The following RFXANK variants were observed in gnomAD, a reference collection of about 807,000 sequenced individuals.
RFXANK encodes the protein DNA-binding protein RFXANK.
In RFXANK, 19 loss-of-function variants were observed where a neutral mutation model predicts 34.5. That is an observed-to-expected ratio of 0.55 (90% confidence interval 0.38 to 0.81). RFXANK has a LOEUF of 0.81. RFXANK is among the 30% of genes least tolerant of loss of function. RFXANK has a pLI of 0.00. For missense variants in RFXANK, 295 were observed against 343.5 expected (o/e 0.86, Z 1.12); for synonymous variants, 154 against 149.8 (o/e 1.03, Z -0.20).
chr19:19,196,976 G>A lies in RFXANK; in HGVS notation c.201G>A (p.Leu67=). ...TCTGTTTCCCAGCAGGCAGCTCCCT[G>A]AAGCACTCCACCACTCTCACCAACC... ...SVSSPQAGSS[L]KHSTTLTNRQ... is the part of the protein sequence containing the mutation. The change falls in exon 4 of 10, where the codon CTG becomes CTA. Residue 67 remains leucine (L), a synonymous_variant. Transcript: ENST00000303088. 6.2e-7 allele frequency: 1 copy of A among 1,612,488 alleles called. No individual in the cohort carries two copies. Among genetic ancestry groups the A allele is most frequent in the Non-Finnish European group, 8.5e-7 (1 of 1,179,950 alleles).
At chr19:19,198,923 G>A (rs573736350) in intron 8 of RFXANK, 200 bp downstream of exon 8, 8 of 754,154 alleles carry the variant, frequency 1.1e-5, no homozygotes, top group Non-Finnish European at 1.9e-5. Context: ...TTAGGATCTG[G>A]CCAAGAGGCT....
chr19:19,197,722 C>T (rs1054065575), intron 6 of RFXANK, 101 bp downstream of exon 6: 2 of 1,101,378 alleles, frequency 1.8e-6, no homozygotes, highest in Non-Finnish European at 2.7e-6. Context: ...TGAGATGCGG[C>T]TGCTGGCTGG....
At chr19:19,195,442 T>C (rs1568577168) in intron 3 of RFXANK, among the ~76,000 whole-genome samples, 2 of 152,000 alleles carry the variant, frequency 1.3e-5, no homozygotes, top group Non-Finnish European at 2.9e-5. Context: ...GCCTCCCAAG[T>C]AGCTGGCATG....
intron 3 of RFXANK, among the ~76,000 whole-genome samples, chr19:19,196,327 C>A (rs10409380): frequency 0.18 from 26,403 of 149,480 alleles, 2,756 homozygotes; most frequent in East Asian, 0.4. Context: ...TGGGAGGCCA[C>A]GGCAGGAGAA....
chr19:19,197,138 C>T (rs1171299775), intron 4 of RFXANK, 48 bp from the exon 5 acceptor site: 1 of 1,612,680 alleles, frequency 6.2e-7, no homozygotes, highest in Non-Finnish European at 8.5e-7. Flanking sequence ...AACTGAGGCA[C>T]AGAGAAGCAA....
At chr19:19,198,583 G>A (rs2060641682) in intron 7 of RFXANK, 74 bp from the exon 8 acceptor site, 5 of 1,547,740 alleles carry the variant, frequency 3.2e-6, no homozygotes, top group African/African-American at 2.7e-5. Flanking sequence ...TCAACTGGAG[G>A]CCAGAGAGTA....
intron 5 of RFXANK, 87 bp downstream of exon 5, chr19:19,197,338 T>C: frequency 2.1e-6 from 3 of 1,402,734 alleles, no homozygotes; most frequent in Non-Finnish European, 2.0e-6. Flanking sequence ...ACGTGACCTG[T>C]GAGTGTCCAC....
chr19:19,196,817 ATCACGCCACTGTACTC>A, intron 3 of RFXANK, 130 bp from the exon 4 acceptor site: 1 of 782,282 alleles, frequency 1.3e-6, no homozygotes, highest in South Asian at 1.4e-5. Flanking sequence ...GTGAGCCGAG[ATCACGCCACTGTACTC>A]CAGCCTGGGG....
chr19:19,201,790 G>A lies in RFXANK; in HGVS notation c.*71G>A, dbSNP rs888025153. The A allele has an allele frequency of 2.5e-6, 4 of 1,613,162 alleles. No individual in the cohort carries two copies. Among genetic ancestry groups the A allele is most frequent in the Non-Finnish European group, 3.4e-6 (4 of 1,179,746 alleles). Reference sequence around the variant, plus strand: ...GCCAGAGCTGGGGAAACCCAGAACTGACTTCAAAGGCAGCTTCTGGACAGG... The same window carrying A: ...GCCAGAGCTGGGGAAACCCAGAACTAACTTCAAAGGCAGCTTCTGGACAGG... On this transcript the variant is annotated 3_prime_UTR_variant, in exon 10 of 10. Coordinates refer to ENST00000303088, the MANE Select transcript of RFXANK (RefSeq NM_003721.4).
intron 3 of RFXANK, among the ~76,000 whole-genome samples, chr19:19,196,721 C>T (rs189350863): frequency 1.1e-4 from 17 of 152,042 alleles, no homozygotes; most frequent in African/African-American, 3.9e-4. Flanking sequence ...AAAAATTAGC[C>T]AGGTGTGGTG....
intron 6 of RFXANK, 29 bp downstream of exon 6, chr19:19,197,650 G>A (rs773849601): frequency 1.9e-6 from 3 of 1,597,590 alleles, no homozygotes; most frequent in African/African-American, 1.3e-5. Flanking sequence ...GGGCAGCTGG[G>A]GGGTTCCCGG....
In RFXANK at chr19:19,199,062, G is replaced by T. The variant is rs565937560; in HGVS notation, c.632-92G>T. The T allele has an allele frequency of 6.4e-6, 8 of 1,249,208 alleles. No homozygotes were observed. In the Admixed American group the frequency reaches 1.4e-4, roughly 22 times the overall value. 77.4% of individuals were successfully genotyped at this position (1,249,208 alleles called of 1,614,324 possible). A position where few individuals can be genotyped will look rare whatever the true frequency, so the allele number is the denominator to read the frequency against. Reference sequence around the variant, plus strand: ...GGCAGACCCACGGCTGCATTGTGGGGAATGAGGGGTGCCATGGGATCTCCC... The same window carrying T: ...GGCAGACCCACGGCTGCATTGTGGGTAATGAGGGGTGCCATGGGATCTCCC... On this transcript the variant is annotated intron_variant, in intron 8 of 9. Coordinates refer to ENST00000303088, the MANE Select transcript of RFXANK (RefSeq NM_003721.4).
intron 8 of RFXANK, 22 bp from the exon 9 acceptor site, chr19:19,199,132 C>T (rs371484495): frequency 1.6e-5 from 26 of 1,610,988 alleles, no homozygotes; most frequent in African/African-American, 1.3e-4. Flanking sequence ...CACCCTCCAG[C>T]GCCCTCCCCT....
intron 2 of RFXANK, 123 bp from the exon 3 acceptor site, chr19:19,193,816 G>C (rs1443763417): frequency 1.3e-5 from 14 of 1,083,162 alleles, no homozygotes; most frequent in Non-Finnish European, 2.0e-5. Flanking sequence ...CCTGGCTCTG[G>C]TAATTAACCT....
chr19:19,197,947 G>A (rs149740483), intron 6 of RFXANK, among the ~76,000 whole-genome samples, 160 bp from the exon 7 acceptor site: 4,681 of 151,914 alleles, frequency 0.031, 104 homozygotes, highest in Non-Finnish European at 0.045. Context: ...GGGAGGCGGA[G>A]GTAGCAGTGA....
Position 19,197,272 on chromosome 19 carries a change from G to A in RFXANK, c.337+21G>A, listed in dbSNP as rs780351596. The A allele has an allele frequency of 9.3e-6, 15 of 1,611,366 alleles. No individual in the cohort carries two copies. In the Admixed American group the frequency reaches 1.0e-4, roughly 11 times the overall value. On this transcript the variant is annotated intron_variant, in intron 5 of 9. Transcript: ENST00000303088. ...GAAAGGTGCGTGTCCACACACATGT[G>A]CTGGCATGTCTGCACCTGGCTGGTG...
chr19:19,198,838 T>G, intron 8 of RFXANK, 115 bp downstream of exon 8: 8 of 1,042,208 alleles, frequency 7.7e-6, no homozygotes, highest in Non-Finnish European at 1.0e-5. Context: ...GAGCAGGTAG[T>G]CCCTGCCTGC....
intron 2 of RFXANK, 90 bp from the exon 3 acceptor site, chr19:19,193,847 TCA>T: frequency 4.2e-6 from 6 of 1,429,734 alleles, no homozygotes; most frequent in Non-Finnish European, 5.9e-6. Context: ...TTACCCACCC[TCA>T]CAGTGCAAGG....
chr19:19,200,366 C>T (rs987695752), intron 9 of RFXANK, among the ~76,000 whole-genome samples: 5 of 151,612 alleles, frequency 3.3e-5, no homozygotes, highest in Non-Finnish European at 2.9e-5. Flanking sequence ...TTAGTAGAGA[C>T]GGGGTTTCAC....
Sources: allele counts gnomAD v4.1 joint callset (sites outside exome capture counted in the v4.1 genomes callset), GRCh38; gene constraint gnomAD v4.1.1; transcripts MANE v1.5; gene names NCBI Gene and HGNC (gene_info 2026-07-23, HGNC 2026-07-21).